TTLL12: variants seen among roughly 807,000 people sequenced by gnomAD.
TTLL12 encodes the protein tubulin--tyrosine ligase-like protein 12.
TTLL12 carries 77 observed loss-of-function variants against 79.6 expected under a neutral mutation model. That is an observed-to-expected ratio of 0.97 (90% CI 0.81 to 1.17). The LOEUF (loss-of-function observed/expected upper bound fraction) is 1.17. Ranked by LOEUF, TTLL12 falls within the 50% of genes most tolerant of loss-of-function variation. The probability of loss-of-function intolerance (pLI) is 0.00; values close to 1 mark genes in which losing one functional copy is unlikely to be tolerated. For missense variants in TTLL12, 969 were observed against 895.9 expected, an observed-to-expected ratio of 1.08 and a Z score of -1.04; for synonymous variants, 437 against 376.1, an observed-to-expected ratio of 1.16 and a Z score of -1.87.
Position 43,167,645 on chromosome 22 carries a change from C to T in TTLL12, c.*363G>A, listed in dbSNP as rs1931651595. ...GACACCTTGTCTCGCTCCACGGAACCCTTCCCCCAGCACCCCCTGGAAACA... is the reference window on the plus strand; with the variant it reads ...GACACCTTGTCTCGCTCCACGGAACTCTTCCCCCAGCACCCCCTGGAAACA... On this transcript the variant is annotated 3_prime_UTR_variant, in exon 14 of 14. Transcript: ENST00000216129. The T allele has an allele frequency of 4.9e-6, 1 of 204,900 alleles. No homozygotes were observed. The highest frequency in any genetic ancestry group is 2.3e-5 in the African/African-American group (1 of 42,992). The allele number at this position is 204,900 out of a possible 1,614,324, so 12.7% of individuals were successfully genotyped here.
intron 1 of TTLL12, among the ~76,000 whole-genome samples, chr22:43,186,190 C>CCA (rs1555982105): frequency 1.0e-4 from 9 of 87,220 alleles, no homozygotes; most frequent in African/African-American, 4.4e-4. Context: ...AAAGAAAACA[C>CCA]CCCCCCCCCC....
At chr22:43,174,056 C>T (rs932042717) in intron 8 of TTLL12, among the ~76,000 whole-genome samples, 153 bp downstream of exon 8, 1 of 152,140 alleles carries the variant, frequency 6.6e-6, no homozygotes, top group African/African-American at 2.4e-5. Context: ...AGAGGTCCTG[C>T]GGTCCGTGAA....
At chr22:43,169,903 G>T in intron 11 of TTLL12, 1 of 470,638 alleles carries the variant, frequency 2.1e-6, no homozygotes, top group Non-Finnish European at 4.2e-6. Context: ...AGAAACTGCA[G>T]GGCCTGGGCT....
Position 43,174,293 on chromosome 22 carries a change from T to C in TTLL12, c.1145A>G (p.Glu382Gly). ...ASIARRAGGP[E>G]GPPWLPRTFN... ...GGTTCGGGGCAGCCAGGGTGGGCCC[T>C]CGGGGCCACCTGCCCGGCGCGCGAT... Residue 382 changes from glutamate (E) to glycine (G), a missense_variant, in exon 8 of 14, where the codon GAG becomes GGG. Coordinates refer to ENST00000216129, the MANE Select transcript of TTLL12 (RefSeq NM_015140.4). 6.2e-7 allele frequency: 1 copy of C among 1,611,068 alleles called. No individual in the cohort carries two copies. The highest frequency in any genetic ancestry group is 8.5e-7 in the Non-Finnish European group (1 of 1,179,460).
chr22:43,179,591 A>G, intron 5 of TTLL12, 28 bp downstream of exon 5: 1 of 1,534,560 alleles, frequency 6.5e-7, no homozygotes, highest in South Asian at 1.2e-5. Context: ...CCAAGCAGAC[A>G]GGCCTGGTGG....
chr22:43,176,511 C>T (rs55642192), intron 5 of TTLL12, 115 bp from the exon 6 acceptor site: 55,325 of 825,302 alleles, frequency 0.067, 2,310 homozygotes, highest in Non-Finnish European at 0.082. Context: ...AGGTGGATCA[C>T]GTGATGTCAG....
In TTLL12 at chr22:43,180,626, G is replaced by A. The variant is rs1932031065; in HGVS notation, c.546+116C>T. ...ATAGCACTCTCCTTAGGAAGCCACA[G>A]GAGAAAGTGAGTTGCTTGCTCTGGC... On this transcript the variant is annotated intron_variant, in intron 3 of 13. Coordinates refer to ENST00000216129, the MANE Select transcript of TTLL12 (RefSeq NM_015140.4). 2.5e-6 allele frequency: 3 copies of A among 1,213,896 alleles called. No individual in the cohort carries two copies. The Admixed American group carries it at 6.1e-5, about 25-fold the overall frequency. 75.2% of individuals were successfully genotyped at this position (1,213,896 alleles called of 1,614,324 possible).
intron 1 of TTLL12, among the ~76,000 whole-genome samples, chr22:43,183,517 C>T (rs1932110640): frequency 6.6e-6 from 1 of 152,204 alleles, no homozygotes. Context: ...GAGGGTGGCT[C>T]CAATTACACT....
intron 5 of TTLL12, among the ~76,000 whole-genome samples, chr22:43,179,367 C>G (rs1042773430): frequency 6.6e-6 from 1 of 152,044 alleles, no homozygotes; most frequent in Non-Finnish European, 1.5e-5. Context: ...AAGGGAGCAG[C>G]GTGGACCCCC....
intron 1 of TTLL12, among the ~76,000 whole-genome samples, chr22:43,183,752 A>G (rs1020574710): frequency 4.6e-5 from 7 of 152,236 alleles, no homozygotes; most frequent in African/African-American, 1.7e-4. Context: ...CAAGCAGGCA[A>G]GTGACCTCTT....
Position 43,179,638 on chromosome 22 carries a change from G to A in TTLL12, c.821C>T (p.Pro274Leu), listed in dbSNP as rs148865013. 58 of 1,585,000 alleles carry A rather than the reference G, an allele frequency of 3.7e-5. No homozygotes were observed. Among genetic ancestry groups the A allele is most frequent in the Admixed American group, 1.1e-4 (6 of 55,152 alleles). Residue 274 changes from proline (P) to leucine (L), a missense_variant, in exon 5 of 14, where the codon CCG (proline) becomes CTG (leucine). Transcript: ENST00000216129. ...CTGCACCTGGTAGTGCTCGGCGGGC[G>A]GCTCGGGTGTGCAAGAGCTGAGGTC... is the stretch of plus-strand genomic sequence containing the variant. ...MLDLSSCTPE[P>L]PAEHYQAILE...
At chr22:43,182,491 C>A (rs1228590345) in intron 2 of TTLL12, among the ~76,000 whole-genome samples, 1 of 152,312 alleles carries the variant, frequency 6.6e-6, no homozygotes, top group East Asian at 1.9e-4. Flanking sequence ...CACTCTTGGT[C>A]CCTGGGGGCA....
chr22:43,171,947 T>C (rs1395838252), intron 10 of TTLL12, 47 bp from the exon 11 acceptor site: 1 of 1,558,148 alleles, frequency 6.4e-7, no homozygotes, highest in African/African-American at 1.4e-5. Context: ...AGCGGCCTTG[T>C]CCCTGCGAGG....
At chr22:43,169,432 A>G in intron 12 of TTLL12, 68 bp downstream of exon 12, 2 of 1,329,698 alleles carry the variant, frequency 1.5e-6, no homozygotes, top group Non-Finnish European at 1.0e-6. Context: ...GGAAGGGAGC[A>G]GCTCCTGCAG....
chr22:43,168,436 A>AC (rs2147064952), intron 13 of TTLL12, among the ~76,000 whole-genome samples: 1 of 151,668 alleles, frequency 6.6e-6, no homozygotes, highest in African/African-American at 2.4e-5. Flanking sequence ...AGTAAAAAAA[A>AC]AAAAAAGTAG....
intron 1 of TTLL12, 98 bp from the exon 2 acceptor site, chr22:43,183,247 C>A: frequency 6.8e-7 from 1 of 1,463,364 alleles, no homozygotes; most frequent in Non-Finnish European, 9.4e-7. Flanking sequence ...CACACCCAGG[C>A]CTCAAGGACA....
Position 43,183,134 on chromosome 22 carries a change from C to T in TTLL12, c.193G>A (p.Glu65Lys). ...TCCACTTGCATGATCCCAAACACTT[C>T]CCCAGCGTCGAAAACCTGGGGGCCA... ...KLEHEVFDAG[E>K]VFGIMQVEEV... is the part of the protein sequence containing the mutation. Residue 65 changes from glutamate to lysine, a missense_variant, in exon 2 of 14, where the codon GAA becomes AAA. Coordinates refer to ENST00000216129, the MANE Select transcript of TTLL12 (RefSeq NM_015140.4). The T allele has an allele frequency of 1.2e-6, 2 of 1,613,890 alleles. No individual in the cohort carries two copies. Among genetic ancestry groups the T allele is most frequent in the African/African-American group, 1.3e-5 (1 of 75,040 alleles).
At chr22:43,185,911 G>A (rs1362562183) in intron 1 of TTLL12, 2 of 961,640 alleles carry the variant, frequency 2.1e-6, no homozygotes, top group African/African-American at 3.5e-5. Context: ...GCAGAAGTGA[G>A]GGGCAGAGGA....
At position 43,186,918 on chromosome 22, in the gene TTLL12, C is replaced by CGGCCCCAGTAACGTTCGGG. The variant is rs1180103405; in HGVS notation, c.133_151dup (p.Arg51ProfsTer108). The CGGCCCCAGTAACGTTCGGG allele has an allele frequency of 3.7e-6, 5 of 1,356,236 alleles. No individual in the cohort carries two copies. The highest frequency in any genetic ancestry group is 4.8e-6 in the Non-Finnish European group (5 of 1,051,788). The allele number at this position is 1,356,236 out of a possible 1,614,324, so 84.0% of individuals were successfully genotyped here. On this transcript the variant is annotated frameshift_variant, in exon 1 of 14. Transcript: ENST00000216129. LOFTEE classifies it high-confidence loss of function. Reference sequence around the variant, plus strand: ...CTCGTGCTCCAGCTTGTGCAGGAGGCGGCCCCAGTAACGTTCGGGGACCCC... The same window carrying CGGCCCCAGTAACGTTCGGG: ...CTCGTGCTCCAGCTTGTGCAGGAGGCGGCCCCAGTAACGTTCGGGGGCCCCAGTAACGTTCGGGGACCCC...
Sources: allele counts gnomAD v4.1 joint callset (sites outside exome capture counted in the v4.1 genomes callset), GRCh38; gene constraint gnomAD v4.1.1; transcripts MANE v1.5; gene names NCBI Gene and HGNC (gene_info 2026-07-23, HGNC 2026-07-21).